The following OR2AG1 variants were observed in gnomAD, a reference collection of about 807,000 sequenced individuals.
The protein encoded by OR2AG1 is olfactory receptor 2AG1.
For missense variants in OR2AG1, 391 were observed against 385.9 expected, an observed-to-expected ratio of 1.01 and a Z score of -0.11; for synonymous variants, 157 against 155.6, an observed-to-expected ratio of 1.01 and a Z score of -0.07.
In OR2AG1 at chr11:6,785,644, G is replaced by A. The variant is rs757480179; in HGVS notation, c.607G>A (p.Gly203Ser). ...ATATGAGCTCATGGTATATGTGATG[G>A]GTGTGACCTTCCTGATTCCCTCTCT... ...SRYELMVYVM[G>S]VTFLIPSLAA... The change falls in exon 2 of 2, where the codon GGT (glycine) becomes AGT (serine). Residue 203 changes from glycine to serine, a missense_variant. Gly to Ser is a moderately conservative substitution (Grantham distance 56). Coordinates refer to ENST00000641258, the MANE Select transcript of OR2AG1 (RefSeq NM_001004489.3). 1 of 1,614,036 alleles carries A rather than the reference G, an allele frequency of 6.2e-7. No individual in the cohort carries two copies. Among genetic ancestry groups the A allele is most frequent in the Admixed American group, 1.7e-5 (1 of 60,002 alleles).
Position 6,788,601 on chromosome 11 carries a change from T to A in OR2AG1, c.*2613T>A, listed in dbSNP as rs529804300. 1 of 152,190 alleles carries A rather than the reference T, an allele frequency of 6.6e-6. No homozygotes were observed. Among genetic ancestry groups the A allele is most frequent in the Non-Finnish European group, 1.5e-5 (1 of 68,042 alleles). 9.4% of individuals were successfully genotyped at this position (152,190 alleles called of 1,614,324 possible). A position where few individuals can be genotyped will look rare whatever the true frequency, so the allele number is the denominator to read the frequency against. On this transcript the variant is annotated 3_prime_UTR_variant, in exon 2 of 2. Transcript: ENST00000641258. ...ATAAATTAATTTGTAATTTGAGCAT[T>A]TTTTACAATACTCAGCCTTGCCTTC... is the stretch of plus-strand genomic sequence containing the variant.
Position 6,788,405 on chromosome 11 carries a change from T to G in OR2AG1, c.*2417T>G, listed in dbSNP as rs1201832148. ...TCTAGCAATATTTTAAAGTAATCCT[T>G]TCATTTTCTATTATTTTACTACCTT... On this transcript the variant is annotated 3_prime_UTR_variant, in exon 2 of 2. Transcript: ENST00000641258. 2.0e-5 allele frequency: 3 copies of G among 152,174 alleles called. No individual in the cohort carries two copies. Among genetic ancestry groups the G allele is most frequent in the Non-Finnish European group, 2.9e-5 (2 of 68,030 alleles). The allele number at this position is 152,174 out of a possible 1,614,324, so 9.4% of individuals were successfully genotyped here.
chr11:6,785,735 G>A lies in OR2AG1; in HGVS notation c.698G>A (p.Gly233Glu), dbSNP rs969560133. ...GTGCTCCATATGCCATCAAATGAGGGGAGGAAGAAAGCCCTTGTCACCTGC... is the reference window on the plus strand; with the variant it reads ...GTGCTCCATATGCCATCAAATGAGGAGAGGAAGAAAGCCCTTGTCACCTGC... ...LTVLHMPSNEGRKKALVTCSS... is the reference protein window; with the variant it reads ...LTVLHMPSNEERKKALVTCSS... Residue 233 changes from glycine to glutamate, a missense_variant, in exon 2 of 2, where the codon GGG becomes GAG. Physicochemically the swap from Gly to Glu is moderately conservative, Grantham distance 98. Coordinates refer to ENST00000641258, the MANE Select transcript of OR2AG1 (RefSeq NM_001004489.3). 1 of 1,614,128 alleles carries A rather than the reference G, an allele frequency of 6.2e-7. No individual in the cohort carries two copies. Among genetic ancestry groups the A allele is most frequent in the Non-Finnish European group, 8.5e-7 (1 of 1,179,990 alleles).
chr11:6,789,922 G>A lies in OR2AG1; in HGVS notation c.*3934G>A, dbSNP rs1847671438. The A allele has an allele frequency of 6.6e-6, 1 of 152,044 alleles. No homozygotes were observed. The highest frequency in any genetic ancestry group is 2.4e-5 in the African/African-American group (1 of 41,388). 9.4% of individuals were successfully genotyped at this position (152,044 alleles called of 1,614,324 possible). A position where few individuals can be genotyped will look rare whatever the true frequency, so the allele number is the denominator to read the frequency against. On this transcript the variant is annotated 3_prime_UTR_variant, in exon 2 of 2. Coordinates refer to ENST00000641258, the MANE Select transcript of OR2AG1 (RefSeq NM_001004489.3). Reference sequence around the variant, plus strand: ...CTATATATCCAAAGGTAATTAAATCGCTGTTTCCAAGACATATTTGCACTC... The same window carrying A: ...CTATATATCCAAAGGTAATTAAATCACTGTTTCCAAGACATATTTGCACTC...
chr11:6,786,229 T>G lies in OR2AG1; in HGVS notation c.*241T>G. On this transcript the variant is annotated 3_prime_UTR_variant, in exon 2 of 2. Coordinates refer to ENST00000641258, the MANE Select transcript of OR2AG1 (RefSeq NM_001004489.3). ...CTCTATTTAAAATTTAATCTTTATT[T>G]TCCCAGGAAGGTATTTAGTTAAATG... 2.4e-6 allele frequency: 1 copy of G among 411,878 alleles called. No individual in the cohort carries two copies. Among genetic ancestry groups the G allele is most frequent in the African/African-American group, 2.0e-5 (1 of 49,684 alleles). 25.5% of individuals were successfully genotyped at this position (411,878 alleles called of 1,614,324 possible).
In OR2AG1 at chr11:6,785,052, C is replaced by A; in HGVS notation, c.15C>A (p.Asn5Lys). 6.2e-7 allele frequency: 1 copy of A among 1,608,056 alleles called. No homozygotes were observed. Among genetic ancestry groups the A allele is most frequent in the Non-Finnish European group, 8.5e-7 (1 of 1,175,986 alleles). ...GAAACCACAGCATGGAGCTCTGGAA[C>A]TTCACCTTGGGAAGTGGCTTCATTT... MELW[N>K]FTLGSGFILV... is the part of the protein sequence containing the mutation. The change falls in exon 2 of 2, where the codon AAC (asparagine) becomes AAA (lysine). Residue 5 changes from asparagine (N) to lysine (K), a missense_variant. By Grantham distance (94) the Asn-to-Lys change is moderately conservative. Transcript: ENST00000641258.
At chr11:6,783,864 GC>G (rs1314890542) in intron 1 of OR2AG1, among the ~76,000 whole-genome samples, 1 of 152,198 alleles carries the variant, frequency 6.6e-6, no homozygotes, top group Non-Finnish European at 1.5e-5. Context: ...GGTACTAATG[GC>G]CCCATAAGAG....
In OR2AG1 at chr11:6,787,881, A is replaced by AT. The variant is rs1847644922; in HGVS notation, c.*1894dup. The AT allele has an allele frequency of 6.6e-6, 1 of 152,238 alleles. No individual in the cohort carries two copies. The highest frequency in any genetic ancestry group is 2.4e-5 in the African/African-American group (1 of 41,472). 9.4% of individuals were successfully genotyped at this position (152,238 alleles called of 1,614,324 possible). ...TATTTTGCATTCTTACCAGCAACAT[A>AT]TAAGTGTACTTAGCCCACTACATAT... is the stretch of plus-strand genomic sequence containing the variant. On this transcript the variant is annotated 3_prime_UTR_variant, in exon 2 of 2. Coordinates refer to ENST00000641258, the MANE Select transcript of OR2AG1 (RefSeq NM_001004489.3).
At position 6,789,899 on chromosome 11, in the gene OR2AG1, A is replaced by G. The variant is rs1847671270; in HGVS notation, c.*3911A>G. ...TGATCCAAGATTCCCACTTCTGACT[A>G]TATATCCAAAGGTAATTAAATCGCT... is the stretch of plus-strand genomic sequence containing the variant. On this transcript the variant is annotated 3_prime_UTR_variant, in exon 2 of 2. Transcript: ENST00000641258. The G allele has an allele frequency of 6.6e-6, 1 of 152,222 alleles. No homozygotes were observed. The highest frequency in any genetic ancestry group is 2.4e-5 in the African/African-American group (1 of 41,464). 9.4% of individuals were successfully genotyped at this position (152,222 alleles called of 1,614,324 possible).
rs1356518126 is a variant in OR2AG1 at position 6,788,962 on chromosome 11, G to C, written c.*2974G>C. ...AATAAATAAATAAATAAAGTAAGAA[G>C]TCTTTGCATGACTCCAATCCCCCTC... On this transcript the variant is annotated 3_prime_UTR_variant, in exon 2 of 2. Transcript: ENST00000641258. 1 of 135,562 alleles carries C rather than the reference G, an allele frequency of 7.4e-6. No individual in the cohort carries two copies. Among genetic ancestry groups the C allele is most frequent in the Non-Finnish European group, 1.6e-5 (1 of 62,752 alleles). 8.4% of individuals were successfully genotyped at this position (135,562 alleles called of 1,614,324 possible).
At position 6,785,932 on chromosome 11, in the gene OR2AG1, C is replaced by A; in HGVS notation, c.895C>A (p.Arg299=). 6.2e-7 allele frequency: 1 copy of A among 1,613,804 alleles called. No individual in the cohort carries two copies. Among genetic ancestry groups the A allele is most frequent in the Non-Finnish European group, 8.5e-7 (1 of 1,179,882 alleles). Residue 299 remains arginine (R), a synonymous_variant, in exon 2 of 2, where the codon CGG becomes AGG. Coordinates refer to ENST00000641258, the MANE Select transcript of OR2AG1 (RefSeq NM_001004489.3). ...CAGCCTGAGGAATAAGGAGGTCATG[C>A]GGGCCTTGAGGAGGGTCCTGGGAAA... The part of the protein sequence containing the change: ...IYSLRNKEVM[R]ALRRVLGKYM...
rs2595497 is a variant in OR2AG1, at chr11:6,789,280, C to T, written c.*3292C>T. 1 of 152,138 alleles carries T rather than the reference C, an allele frequency of 6.6e-6. No individual in the cohort carries two copies. Among genetic ancestry groups the T allele is most frequent in the African/African-American group, 2.4e-5 (1 of 41,496 alleles). 9.4% of individuals were successfully genotyped at this position (152,138 alleles called of 1,614,324 possible). On this transcript the variant is annotated 3_prime_UTR_variant, in exon 2 of 2. Transcript: ENST00000641258. ...CTTTTGGCTTCCAGACACCACACAACTCTGGCTTGCTTCTTTAATCCCTAA... is the reference window on the plus strand; with the variant it reads ...CTTTTGGCTTCCAGACACCACACAATTCTGGCTTGCTTCTTTAATCCCTAA...
At chr11:6,784,957 T>G in intron 1 of OR2AG1, 61 bp from the exon 2 acceptor site, 3 of 855,496 alleles carry the variant, frequency 3.5e-6, no homozygotes, top group Non-Finnish European at 3.7e-6. Flanking sequence ...AAGAAGCCTC[T>G]GATATTTCAA....
chr11:6,783,869 A>C (rs1665716537), intron 1 of OR2AG1, among the ~76,000 whole-genome samples: 2 of 152,264 alleles, frequency 1.3e-5, no homozygotes, highest in Non-Finnish European at 2.9e-5. Context: ...TAATGGCCCC[A>C]TAAGAGGCTA....
chr11:6,786,254 G>A lies in OR2AG1; in HGVS notation c.*266G>A. The A allele has an allele frequency of 2.9e-6, 1 of 341,702 alleles. No individual in the cohort carries two copies. Among genetic ancestry groups the A allele is most frequent in the Non-Finnish European group, 5.3e-6 (1 of 189,602 alleles). 21.2% of individuals were successfully genotyped at this position (341,702 alleles called of 1,614,324 possible). A position where few individuals can be genotyped will look rare whatever the true frequency, so the allele number is the denominator to read the frequency against. On this transcript the variant is annotated 3_prime_UTR_variant, in exon 2 of 2. Coordinates refer to ENST00000641258, the MANE Select transcript of OR2AG1 (RefSeq NM_001004489.3). ...TTCCCAGGAAGGTATTTAGTTAAATGGGTTCCCACCTTGGGACATGACCCC... is the reference window on the plus strand; with the variant it reads ...TTCCCAGGAAGGTATTTAGTTAAATAGGTTCCCACCTTGGGACATGACCCC...
rs1180551778 is a variant in OR2AG1 at position 6,791,016 on chromosome 11, G to C, written c.*5028G>C. 2 of 152,098 alleles carry C rather than the reference G, an allele frequency of 1.3e-5. No homozygotes were observed. Among genetic ancestry groups the C allele is most frequent in the East Asian group, 3.9e-4 (2 of 5,184 alleles). The allele number at this position is 152,098 out of a possible 1,614,324, so 9.4% of individuals were successfully genotyped here. A position where few individuals can be genotyped will look rare whatever the true frequency, so the allele number is the denominator to read the frequency against. ...GTGCCAAAAGTAACCATAAAATCTGGAGTCAACTGCTAGAAGTTTTGCAAG... is the reference window on the plus strand; with the variant it reads ...GTGCCAAAAGTAACCATAAAATCTGCAGTCAACTGCTAGAAGTTTTGCAAG... On this transcript the variant is annotated 3_prime_UTR_variant, in exon 2 of 2. Coordinates refer to ENST00000641258, the MANE Select transcript of OR2AG1 (RefSeq NM_001004489.3).
At position 6,788,476 on chromosome 11, in the gene OR2AG1, T is replaced by C. The variant is rs1847649902; in HGVS notation, c.*2488T>C. ...GCTATATTTTGGCTAACTCTTCAGT[T>C]CTAGCTTCTTTCTCCTCTTTACTCT... On this transcript the variant is annotated 3_prime_UTR_variant, in exon 2 of 2. Transcript: ENST00000641258. 1 of 152,206 alleles carries C rather than the reference T, an allele frequency of 6.6e-6. No homozygotes were observed. The highest frequency in any genetic ancestry group is 1.5e-5 in the Non-Finnish European group (1 of 68,028). 9.4% of individuals were successfully genotyped at this position (152,206 alleles called of 1,614,324 possible).
At position 6,784,726 on chromosome 11, in the gene OR2AG1, G is replaced by A. The variant is rs115778845; in HGVS notation, c.-20-292G>A. Among the ~76,000 whole-genome samples the A allele has an allele frequency of 5.8e-3, 889 of 152,316 alleles. 14 individuals carry two copies. The highest frequency in any genetic ancestry group is 0.02 in the African/African-American group (842 of 41,572). On this transcript the variant is annotated intron_variant, in intron 1 of 1. Transcript: ENST00000641258. Reference sequence around the variant, plus strand: ...TGGCAGAATATTTCTTTAATCTTAAGAGAAAGATAATTTTTTGCTTTTGGA... The same window carrying A: ...TGGCAGAATATTTCTTTAATCTTAAAAGAAAGATAATTTTTTGCTTTTGGA...
chr11:6,788,906 C>CT lies in OR2AG1; in HGVS notation c.*2918_*2919insT, dbSNP rs1847654325. The CT allele has an allele frequency of 1.0e-5, 1 of 97,926 alleles. No homozygotes were observed. The highest frequency in any genetic ancestry group is 4.2e-5 in the African/African-American group (1 of 23,944). The allele number at this position is 97,926 out of a possible 1,614,324, so 6.1% of individuals were successfully genotyped here. A position where few individuals can be genotyped will look rare whatever the true frequency, so the allele number is the denominator to read the frequency against. ...TGGGCAACAGAGTGAGATTCTGTCA[C>CT]AAAATAAATAAATAAATAAATAAAT... On this transcript the variant is annotated 3_prime_UTR_variant, in exon 2 of 2. Coordinates refer to ENST00000641258, the MANE Select transcript of OR2AG1 (RefSeq NM_001004489.3).
Sources: allele counts gnomAD v4.1 joint callset (sites outside exome capture counted in the v4.1 genomes callset), GRCh38; gene constraint gnomAD v4.1.1; transcripts MANE v1.5; gene names NCBI Gene and HGNC (gene_info 2026-07-23, HGNC 2026-07-21).